FARP1: variants seen among roughly 807,000 people sequenced by gnomAD.
The protein encoded by FARP1 is FERM, ARHGEF and pleckstrin domain-containing protein 1.
FARP1 carries 52 observed loss-of-function variants against 128.8 expected under a neutral mutation model. The ratio of observed to expected loss-of-function variants is 0.40; its 90% CI spans 0.32 to 0.51. The LOEUF (loss-of-function observed/expected upper bound fraction) is 0.51. Ranked by LOEUF, FARP1 falls within the 20% of genes least tolerant of loss-of-function variation. The probability of loss-of-function intolerance (pLI) is 0.45; values close to 1 mark genes in which losing one functional copy is unlikely to be tolerated. For synonymous variants in FARP1, 580 were observed against 551.8 expected (o/e 1.05, Z -0.72); for missense variants, 1,333 against 1,367.9 (o/e 0.97, Z 0.40).
intron 11 of FARP1, among the ~76,000 whole-genome samples, chr13:98,391,775 T>C (rs781183388): frequency 1.3e-5 from 2 of 152,126 alleles, no homozygotes; most frequent in Admixed American, 6.5e-5. Flanking sequence ...CCAGGTCTCA[T>C]AGCTGCTAAG....
Position 98,448,308 on chromosome 13 carries a change from T to G in FARP1, c.3129T>G (p.Leu1043=), listed in dbSNP as rs765330638. The change falls in exon 27 of 27, where the codon CTT becomes CTG. Residue 1043 remains leucine, a synonymous_variant. Coordinates refer to ENST00000319562, the MANE Select transcript of FARP1 (RefSeq NM_005766.4). ...RPHVLSHKES[L]VY ...ACGTGTTGAGTCACAAAGAGTCTCT[T>G]GTGTATTGATGGCCGGACACACTCG... 6.2e-7 allele frequency: 1 copy of G among 1,612,694 alleles called. No homozygotes were observed. Among genetic ancestry groups the G allele is most frequent in the Non-Finnish European group, 8.5e-7 (1 of 1,178,658 alleles).
intron 2 of FARP1, among the ~76,000 whole-genome samples, chr13:98,231,108 G>A (rs563015603): frequency 1.3e-5 from 2 of 152,260 alleles, no homozygotes; most frequent in South Asian, 2.1e-4. Context: ...GATACATGGG[G>A]ATTATTACAG....
intron 1 of FARP1, among the ~76,000 whole-genome samples, chr13:98,185,577 C>T (rs1397408583): frequency 6.6e-6 from 1 of 151,728 alleles, no homozygotes; most frequent in African/African-American, 2.4e-5. Flanking sequence ...GATACCATTC[C>T]TGGGAAGCAG....
intron 2 of FARP1, among the ~76,000 whole-genome samples, chr13:98,215,618 A>T (rs1253429001): frequency 2.6e-5 from 4 of 152,208 alleles, no homozygotes; most frequent in African/African-American, 4.8e-5. Flanking sequence ...AATGACATGC[A>T]CGTCCAACTG....
At chr13:98,377,098 C>T (rs1172918364) in intron 5 of FARP1, among the ~76,000 whole-genome samples, 6 of 151,804 alleles carry the variant, frequency 4.0e-5, no homozygotes, top group African/African-American at 7.3e-5. Flanking sequence ...GTCAAGAGAT[C>T]GAGACCATCC....
intron 2 of FARP1, among the ~76,000 whole-genome samples, chr13:98,220,807 C>G (rs1881370504): frequency 6.6e-6 from 1 of 152,062 alleles, no homozygotes; most frequent in Non-Finnish European, 1.5e-5. Flanking sequence ...AGTCAGTTCT[C>G]TAGCTCTGAT....
intron 5 of FARP1, among the ~76,000 whole-genome samples, chr13:98,371,602 G>A (rs1318272625): frequency 3.9e-5 from 6 of 151,916 alleles, no homozygotes; most frequent in African/African-American, 1.5e-4. Context: ...TTGGTACAAG[G>A]CATAGAGAAC....
intron 2 of FARP1, among the ~76,000 whole-genome samples, chr13:98,295,098 CACACACATATAT>C (rs1319293864): frequency 1.2e-4 from 3 of 25,226 alleles, no homozygotes; most frequent in East Asian, 2.6e-3. Context: ...CACACACACA[CACACACATATAT>C]CCCCAGGCAT....
chr13:98,200,936 A>T (rs1286534090), intron 1 of FARP1, among the ~76,000 whole-genome samples: 1 of 152,088 alleles, frequency 6.6e-6, no homozygotes, highest in Non-Finnish European at 1.5e-5. Context: ...AGTTGTATAT[A>T]TTTTTGAGGT....
intron 17 of FARP1, among the ~76,000 whole-genome samples, chr13:98,427,193 A>T (rs1891821490): frequency 6.6e-6 from 1 of 151,726 alleles, no homozygotes; most frequent in African/African-American, 2.4e-5. Context: ...GATGCCCCCC[A>T]AATCCCTGGC....
chr13:98,345,665 G>A (rs1308265695), intron 3 of FARP1: 2 of 152,212 alleles, frequency 1.3e-5, no homozygotes, highest in Non-Finnish European at 2.9e-5. Flanking sequence ...TGCTTCCTAT[G>A]TGCTGGAGTG....
intron 1 of FARP1, among the ~76,000 whole-genome samples, chr13:98,192,153 T>C (rs533002138): frequency 2.0e-5 from 3 of 152,290 alleles, no homozygotes; most frequent in African/African-American, 7.2e-5. Context: ...GTCTTCATGT[T>C]TGTGATTTTT....
In FARP1 at chr13:98,241,926, G is replaced by GCAACAA. The variant is rs374509460; in HGVS notation, c.171+28526_171+28531dup. Among the ~76,000 whole-genome samples, 436 of 151,916 alleles carry GCAACAA rather than the reference G, an allele frequency of 2.9e-3. 3 individuals carry two copies. The highest frequency in any genetic ancestry group is 1.0e-2 in the African/African-American group (413 of 41,434). On this transcript the variant is annotated intron_variant, in intron 2 of 26. Coordinates refer to ENST00000319562, the MANE Select transcript of FARP1 (RefSeq NM_005766.4). ...AGATTGAGACTCTGTCTAAACAACA[G>GCAACAA]CAACAACAACAACAACAAAACTTAA...
intron 1 of FARP1, among the ~76,000 whole-genome samples, chr13:98,171,225 C>T (rs575842451): frequency 2.5e-4 from 38 of 152,270 alleles, no homozygotes; most frequent in African/African-American, 6.7e-4. Flanking sequence ...TTGTGCCTGG[C>T]GTATGTGAGT....
intron 3 of FARP1, among the ~76,000 whole-genome samples, chr13:98,358,917 G>T (rs1160097165): frequency 6.6e-6 from 1 of 152,152 alleles, no homozygotes; most frequent in African/African-American, 2.4e-5. Flanking sequence ...AATTACAGAC[G>T]TGAGGCACCG....
At chr13:98,255,775 C>T (rs1473774748) in intron 2 of FARP1, among the ~76,000 whole-genome samples, 1 of 152,206 alleles carries the variant, frequency 6.6e-6, no homozygotes, top group Non-Finnish European at 1.5e-5. Flanking sequence ...AATCTGATTC[C>T]TAGCTCATGA....
intron 23 of FARP1, among the ~76,000 whole-genome samples, chr13:98,440,452 C>T (rs1892477547): frequency 6.6e-6 from 1 of 152,118 alleles, no homozygotes; most frequent in South Asian, 2.1e-4. Flanking sequence ...GGCATTTACC[C>T]TTGTCCAGGG....
chr13:98,348,840 G>A (rs534083987), intron 3 of FARP1, among the ~76,000 whole-genome samples: 22 of 152,312 alleles, frequency 1.4e-4, no homozygotes, highest in East Asian at 5.8e-4. Flanking sequence ...CCCATGTGCC[G>A]TAGTTTGCCA....
intron 1 of FARP1, among the ~76,000 whole-genome samples, chr13:98,206,567 A>G (rs1880282753): frequency 6.6e-6 from 1 of 151,780 alleles, no homozygotes; most frequent in Non-Finnish European, 1.5e-5. Flanking sequence ...TTTTTGTTAC[A>G]TTTTCTGGTT....
Sources: gnomAD v4.1 joint callset for allele counts (sites outside exome capture counted in the v4.1 genomes callset) on GRCh38, gnomAD v4.1.1 for gene constraint, MANE v1.5 for transcripts, NCBI Gene and HGNC (gene_info 2026-07-23, HGNC 2026-07-21) for gene names.